PIP5K1C: variants seen among roughly 807,000 people sequenced by gnomAD.
PIP5K1C encodes the protein phosphatidylinositol 4-phosphate 5-kinase type-1 gamma.
Under a neutral mutation model 80.1 loss-of-function variants are expected in PIP5K1C, and 45 were observed. The ratio of observed to expected loss-of-function variants is 0.56; its 90% CI spans 0.44 to 0.72. PIP5K1C has a LOEUF of 0.72. Ranked by LOEUF, PIP5K1C falls within the 30% of genes least tolerant of loss-of-function variation. The pLI is 0.00. For synonymous variants in PIP5K1C, 498 were observed against 420.1 expected (o/e 1.19, Z -2.27); for missense variants, 753 against 954.6 (o/e 0.79, Z 2.78).
intron 16 of PIP5K1C, 95 bp from the exon 17 acceptor site, chr19:3,633,615 TAA>T (rs778884822): frequency 2.2e-5 from 18 of 820,866 alleles, no homozygotes; most frequent in South Asian, 3.7e-5. Flanking sequence ...CAGGAGAACA[TAA>T]AAGAGGCGAA....
At chr19:3,681,911 C>T (rs1243508903) in intron 1 of PIP5K1C, among the ~76,000 whole-genome samples, 1 of 152,062 alleles carries the variant, frequency 6.6e-6, no homozygotes, top group Admixed American at 6.5e-5. Context: ...CCCTCAGGCC[C>T]ACCAGGATCC....
At chr19:3,642,049 C>A (rs1228591482) in intron 14 of PIP5K1C, among the ~76,000 whole-genome samples, 1 of 152,144 alleles carries the variant, frequency 6.6e-6, no homozygotes, top group African/African-American at 2.4e-5. Flanking sequence ...CAAATGGCAG[C>A]CCCGACCGGT....
rs537479770 is a variant in PIP5K1C, at chr19:3,692,396, C to T, written c.94+7901G>A. Among the ~76,000 whole-genome samples the T allele has an allele frequency of 7.9e-5, 12 of 152,308 alleles. No homozygotes were observed. The South Asian group carries it at 1.7e-3, about 21-fold the overall frequency. ...GCAGCTCGGCCATGCTGGGCCCCGG[C>T]GGCCCCCATGCTGCCCTTCCTGCAT... On this transcript the variant is annotated intron_variant, in intron 1 of 17. Coordinates refer to ENST00000335312, the MANE Select transcript of PIP5K1C (RefSeq NM_012398.3). This position sits in a 1 kb window ranked among gnomAD's most constrained non-coding sequence, Gnocchi z 5.2.
At chr19:3,690,979 C>T (rs533601952) in intron 1 of PIP5K1C, among the ~76,000 whole-genome samples, 111 of 152,272 alleles carry the variant, frequency 7.3e-4, no homozygotes, top group African/African-American at 2.5e-3. Context: ...GGTGGGGACA[C>T]TCCATTTTCC....
intron 16 of PIP5K1C, among the ~76,000 whole-genome samples, chr19:3,634,205 C>A (rs759564524): frequency 2.1e-5 from 3 of 145,206 alleles, no homozygotes; most frequent in Non-Finnish European, 4.6e-5. Flanking sequence ...GCTGTGCCTG[C>A]GTGAGGGGTC....
intron 5 of PIP5K1C, among the ~76,000 whole-genome samples, chr19:3,657,081 G>A (rs2034658564): frequency 6.6e-6 from 1 of 152,172 alleles, no homozygotes; most frequent in Non-Finnish European, 1.5e-5. Flanking sequence ...GGACTAGAAG[G>A]TAAGCTCTGG....
rs1240381152 is a variant in PIP5K1C, at chr19:3,696,534, A to C, written c.94+3763T>G. Among the ~76,000 whole-genome samples, 1 of 136,972 alleles carries C rather than the reference A, an allele frequency of 7.3e-6. No homozygotes were observed. Among genetic ancestry groups the C allele is most frequent in the Admixed American group, 7.8e-5 (1 of 12,856 alleles). 89.9% of individuals were successfully genotyped at this position (136,972 alleles called of 152,430 possible). A position where few individuals can be genotyped will look rare whatever the true frequency, so the allele number is the denominator to read the frequency against. On this transcript the variant is annotated intron_variant, in intron 1 of 17. Coordinates refer to ENST00000335312, the MANE Select transcript of PIP5K1C (RefSeq NM_012398.3). This position sits in a 1 kb window ranked among gnomAD's most constrained non-coding sequence, Gnocchi z 4.1. Reference sequence around the variant, plus strand: ...AGCAGGGCAGGGAGGCCTCACGGAGAGGAGATGCTCCCACAAAACCTGGAA... The same window carrying C: ...AGCAGGGCAGGGAGGCCTCACGGAGCGGAGATGCTCCCACAAAACCTGGAA...
At chr19:3,683,548 G>A (rs189118184) in intron 1 of PIP5K1C, among the ~76,000 whole-genome samples, 23 of 152,340 alleles carry the variant, frequency 1.5e-4, no homozygotes, top group African/African-American at 4.6e-4. Context: ...ACCCTGTGAC[G>A]TAGGCACTAT....
intron 1 of PIP5K1C, among the ~76,000 whole-genome samples, chr19:3,668,124 C>A (rs1232949681): frequency 1.3e-5 from 2 of 152,082 alleles, no homozygotes; most frequent in African/African-American, 4.8e-5. Context: ...CAACAGAGGC[C>A]TGCAGGATTG....
At chr19:3,667,922 A>T (rs1162782189) in intron 1 of PIP5K1C, among the ~76,000 whole-genome samples, 1 of 152,140 alleles carries the variant, frequency 6.6e-6, no homozygotes, top group Non-Finnish European at 1.5e-5. Context: ...GGGAGCGCCC[A>T]GCACCTGGGC....
In PIP5K1C at chr19:3,648,256, C is replaced by G. The variant is rs1354772825; in HGVS notation, c.1211+369G>C. Among the ~76,000 whole-genome samples the G allele has an allele frequency of 6.6e-6, 1 of 152,162 alleles. No homozygotes were observed. Among genetic ancestry groups the G allele is most frequent in the African/African-American group, 2.4e-5 (1 of 41,434 alleles). Reference sequence around the variant, plus strand: ...CAGGCTGGTCTCAAACTCCTGGGCTCAAGCAATCCTCCCGCCTCGGCCTCC... The same window carrying G: ...CAGGCTGGTCTCAAACTCCTGGGCTGAAGCAATCCTCCCGCCTCGGCCTCC... On this transcript the variant is annotated intron_variant, in intron 9 of 17. Transcript: ENST00000335312. This position sits in a 1 kb window ranked among gnomAD's most constrained non-coding sequence, Gnocchi z 4.3.
chr19:3,634,791 C>T (rs899503778), intron 16 of PIP5K1C, among the ~76,000 whole-genome samples: 1 of 152,252 alleles, frequency 6.6e-6, no homozygotes, highest in Non-Finnish European at 1.5e-5. Context: ...TGTGCTCACT[C>T]CACCCTGCCC....
rs1001634132 is a variant in PIP5K1C, at chr19:3,692,261, C to T, written c.94+8036G>A. On this transcript the variant is annotated intron_variant, in intron 1 of 17. Coordinates refer to ENST00000335312, the MANE Select transcript of PIP5K1C (RefSeq NM_012398.3). This position sits in a 1 kb window ranked among gnomAD's most constrained non-coding sequence, Gnocchi z 5.2. ...CAACAGCACAATGGAACAGAGACAC[C>T]GTCCACTGAGCACAGCCACCACCAG... Among the ~76,000 whole-genome samples, 8 of 152,166 alleles carry T rather than the reference C, an allele frequency of 5.3e-5. No individual in the cohort carries two copies. Among genetic ancestry groups the T allele is most frequent in the African/African-American group, 1.7e-4 (7 of 41,422 alleles).
intron 8 of PIP5K1C, among the ~76,000 whole-genome samples, chr19:3,651,532 G>A (rs778483406): frequency 1.6e-4 from 25 of 152,178 alleles, no homozygotes; most frequent in African/African-American, 2.2e-4. Context: ...ACCGGGAAAC[G>A]CTATCTCTCT....
rs1389738741 is a variant in PIP5K1C, at chr19:3,700,347, C to T, written c.44G>A (p.Gly15Glu). 2.3e-6 allele frequency: 3 copies of T among 1,294,458 alleles called. No individual in the cohort carries two copies. The highest frequency in any genetic ancestry group is 9.3e-5 in the East Asian group (2 of 21,422). 80.2% of individuals were successfully genotyped at this position (1,294,458 alleles called of 1,614,324 possible). Residue 15 changes from glycine to glutamate, a missense_variant, in exon 1 of 18, where the codon GGG becomes GAG. Physicochemically the swap from Gly to Glu is moderately conservative, Grantham distance 98 (BLOSUM62 -2). Coordinates refer to ENST00000335312, the MANE Select transcript of PIP5K1C (RefSeq NM_012398.3). ...VPDEAESAEA[G>E]AVPSEAAWAA... ...CCACGCCGCCTCCGAGGGCACGGCCCCCGCCTCAGCGCTCTCCGCCTCGTC... is the reference window on the plus strand; with the variant it reads ...CCACGCCGCCTCCGAGGGCACGGCCTCCGCCTCAGCGCTCTCCGCCTCGTC...
chr19:3,661,120 G>T, intron 4 of PIP5K1C, 37 bp from the exon 5 acceptor site: 1 of 1,407,348 alleles, frequency 7.1e-7, no homozygotes, highest in Non-Finnish European at 1.0e-6. Flanking sequence ...TGTGAGGGGT[G>T]GTGGGCACCT....
intron 1 of PIP5K1C, among the ~76,000 whole-genome samples, chr19:3,671,377 C>T (rs572581817): frequency 6.6e-6 from 1 of 152,256 alleles, no homozygotes; most frequent in South Asian, 2.1e-4. Flanking sequence ...CCTCACCAGG[C>T]ACCTCGGGGT....
Position 3,637,242 on chromosome 19 carries a change from G to A in PIP5K1C, c.1920+1642C>T, listed in dbSNP as rs2033726034. On this transcript the variant is annotated intron_variant, in intron 16 of 17. Transcript: ENST00000335312. The surrounding 1 kb of genome is among the most constrained non-coding windows in gnomAD (Gnocchi z 7.0). ...CAGGGGCAGAGAGGGGCTCGCTGGG[G>A]TCTGGCCGGGGTCCGAAGCAGACCC... 1 of 1,448,462 alleles carries A rather than the reference G, an allele frequency of 6.9e-7. No homozygotes were observed. The highest frequency in any genetic ancestry group is 9.1e-7 in the Non-Finnish European group (1 of 1,104,296). The allele number at this position is 1,448,462 out of a possible 1,614,324, so 89.7% of individuals were successfully genotyped here.
In PIP5K1C at chr19:3,656,102, G is replaced by A. The variant is rs373999545; in HGVS notation, c.621+303C>T. Reference sequence around the variant, plus strand: ...GCAGGCTGCTGGTTCTGGGGCCCACGGCTCATAGGGGGTGTTGGCAAGGTG... The same window carrying A: ...GCAGGCTGCTGGTTCTGGGGCCCACAGCTCATAGGGGGTGTTGGCAAGGTG... On this transcript the variant is annotated intron_variant, in intron 6 of 17. Coordinates refer to ENST00000335312, the MANE Select transcript of PIP5K1C (RefSeq NM_012398.3). Among the ~76,000 whole-genome samples, 5 of 152,218 alleles carry A rather than the reference G, an allele frequency of 3.3e-5. No homozygotes were observed. The East Asian group carries it at 5.8e-4, about 18-fold the overall frequency.
Sources: gnomAD v4.1 joint callset for allele counts (sites outside exome capture counted in the v4.1 genomes callset) on GRCh38, gnomAD v4.1.1 for gene constraint, Gnocchi (gnomAD v3.1) non-coding constraint, MANE v1.5 for transcripts, NCBI Gene and HGNC (gene_info 2026-07-23, HGNC 2026-07-21) for gene names.